The following TNFRSF19 variants were observed in gnomAD, a reference collection of about 807,000 sequenced individuals.
TNFRSF19 encodes tumor necrosis factor receptor superfamily member 19.
Under a neutral mutation model 46.4 loss-of-function variants are expected in TNFRSF19, and 27 were observed. That is an observed-to-expected ratio of 0.58 (90% CI 0.43 to 0.80). The LOEUF is 0.80. TNFRSF19 is among the 30% of genes least tolerant of loss of function. TNFRSF19 has a pLI of 0.00. For missense variants in TNFRSF19, 511 were observed against 530.8 expected, an observed-to-expected ratio of 0.96 and a Z score of 0.37; for synonymous variants, 204 against 205.0, an observed-to-expected ratio of 1.00 and a Z score of 0.04.
intron 5 of TNFRSF19, among the ~76,000 whole-genome samples, chr13:23,646,145 G>A (rs189665645): frequency 6.0e-4 from 91 of 152,090 alleles, no homozygotes; most frequent in Admixed American, 9.8e-4. Flanking sequence ...GGCACCCCCC[G>A]GCCTGCCCTT....
At chr13:23,638,610 A>C (rs1882844257) in intron 5 of TNFRSF19, among the ~76,000 whole-genome samples, 1 of 152,186 alleles carries the variant, frequency 6.6e-6, no homozygotes, top group Non-Finnish European at 1.5e-5. Flanking sequence ...GCAGAAATCA[A>C]GTTTGGTTGA....
intron 1 of TNFRSF19, among the ~76,000 whole-genome samples, chr13:23,584,730 AG>A (rs1367199938): frequency 6.6e-6 from 1 of 151,594 alleles, no homozygotes; most frequent in Non-Finnish European, 1.5e-5. Context: ...TTAAGTTTTT[AG>A]GGTTTTTAGT....
chr13:23,655,118 T>G (rs1883895663), intron 5 of TNFRSF19, among the ~76,000 whole-genome samples: 1 of 152,214 alleles, frequency 6.6e-6, no homozygotes, highest in South Asian at 2.1e-4. Flanking sequence ...CAGATGGGAC[T>G]TTATAAAAAC....
At chr13:23,637,865 G>T (rs1046997498) in intron 5 of TNFRSF19, among the ~76,000 whole-genome samples, 1 of 152,250 alleles carries the variant, frequency 6.6e-6, no homozygotes, top group Non-Finnish European at 1.5e-5. Context: ...AAGGGAAAAT[G>T]GACACTCCCT....
intron 5 of TNFRSF19, among the ~76,000 whole-genome samples, chr13:23,632,805 C>G (rs1469743573): frequency 6.6e-6 from 1 of 152,138 alleles, no homozygotes; most frequent in Non-Finnish European, 1.5e-5. Context: ...TGTACCAAGC[C>G]AAACCAGCCA....
rs544786626 is a variant in TNFRSF19 at position 23,644,976 on chromosome 13, T to C, written c.446-14074T>C. 5.4e-4 allele frequency among the ~76,000 whole-genome samples: 83 copies of C among 152,362 alleles called. 1 individual carries two copies. Among genetic ancestry groups the C allele is most frequent in the Non-Finnish European group, 9.3e-4 (63 of 68,032 alleles). On this transcript the variant is annotated intron_variant, in intron 5 of 9. Transcript: ENST00000248484. The stretch of plus-strand genomic sequence containing the variant: ...TGCTCTAAACAACCCACTTCAGTAA[T>C]AGATCACCAGTACTCTTAACTCCAC...
intron 3 of TNFRSF19, among the ~76,000 whole-genome samples, chr13:23,611,724 A>T (rs931609353): frequency 2.0e-5 from 3 of 152,192 alleles, no homozygotes; most frequent in Non-Finnish European, 4.4e-5. Flanking sequence ...CCTATGGGGG[A>T]AAAAACAAAA....
rs557552827 is a variant in TNFRSF19, at chr13:23,638,115, A to T, written c.445+11323A>T. 3.6e-3 allele frequency among the ~76,000 whole-genome samples: 354 copies of T among 99,506 alleles called. 1 individual carries two copies. Among genetic ancestry groups the T allele is most frequent in the African/African-American group, 0.01 (337 of 33,524 alleles). 65.3% of individuals were successfully genotyped at this position (99,506 alleles called of 152,430 possible). A position where few individuals can be genotyped will look rare whatever the true frequency, so the allele number is the denominator to read the frequency against. On this transcript the variant is annotated intron_variant, in intron 5 of 9. Coordinates refer to ENST00000248484, the MANE Select transcript of TNFRSF19 (RefSeq NM_148957.4). ...GTGTCTTTTCTGTTTCTCGGTGCAGAAGTTTAAAAGCTTCATTGTTTCATC... is the reference window on the plus strand; with the variant it reads ...GTGTCTTTTCTGTTTCTCGGTGCAGTAGTTTAAAAGCTTCATTGTTTCATC...
Position 23,588,278 on chromosome 13 carries a change from C to G in TNFRSF19, c.-34-1872C>G, listed in dbSNP as rs151209253. 9.6e-3 allele frequency among the ~76,000 whole-genome samples: 1,467 copies of G among 152,290 alleles called. 14 individuals carry two copies. Among genetic ancestry groups the G allele is most frequent in the Non-Finnish European group, 0.012 (786 of 68,036 alleles). ...TCATAAGTAGTGGTCTCAATAACAA[C>G]AGCAGCAGTAACAGCATCAGCAACT... On this transcript the variant is annotated intron_variant, in intron 1 of 9. Transcript: ENST00000248484.
At chr13:23,616,292 C>G (rs1881282643) in intron 4 of TNFRSF19, among the ~76,000 whole-genome samples, 1 of 152,074 alleles carries the variant, frequency 6.6e-6, no homozygotes, top group Non-Finnish European at 1.5e-5. Context: ...TTATGAAAAT[C>G]TAAGGAGTTC....
chr13:23,668,988 A>G lies in TNFRSF19; in HGVS notation c.1136A>G (p.Asn379Ser). Residue 379 changes from asparagine (N) to serine (S), a missense_variant, in exon 9 of 10, where the codon AAC (asparagine) becomes AGC (serine). Asn to Ser is a conservative substitution (Grantham distance 46, BLOSUM62 1). Coordinates refer to ENST00000248484, the MANE Select transcript of TNFRSF19 (RefSeq NM_148957.4). ...GCAGCTACTGATTTATCTAGATATA[A>G]CAACACACTGGTAGAATCAGCATCA... Reference protein sequence around the residue: ...FTAATDLSRYNNTLVESASTQ... With the variant: ...FTAATDLSRYSNTLVESASTQ... 3.7e-6 allele frequency: 6 copies of G among 1,614,226 alleles called. No homozygotes were observed. Among genetic ancestry groups the G allele is most frequent in the Non-Finnish European group, 5.1e-6 (6 of 1,180,032 alleles).
intron 1 of TNFRSF19, among the ~76,000 whole-genome samples, chr13:23,586,727 GC>G (rs1280106878): frequency 6.6e-6 from 1 of 152,240 alleles, no homozygotes; most frequent in Non-Finnish European, 1.5e-5. Context: ...AGCAGGCTGA[GC>G]AGCTTTGAGA....
Position 23,668,736 on chromosome 13 carries a change from C to G in TNFRSF19, c.884C>G (p.Ser295Cys), listed in dbSNP as rs1455725368. 1 of 1,614,084 alleles carries G rather than the reference C, an allele frequency of 6.2e-7. No individual in the cohort carries two copies. The highest frequency in any genetic ancestry group is 8.5e-7 in the Non-Finnish European group (1 of 1,180,016). The change falls in exon 9 of 10, where the codon TCC (serine) becomes TGC (cysteine). Residue 295 changes from serine (S) to cysteine (C), a missense_variant. Physicochemically the swap from Ser to Cys is moderately radical, Grantham distance 112. Transcript: ENST00000248484. ...AGEMVPTFFG[S>C]LTQSICGEFS... is the part of the protein sequence containing the mutation. Reference sequence around the variant, plus strand: ...GAGATGGTGCCGACTTTCTTCGGATCCCTCACGCAGTCCATCTGTGGCGAG... The same window carrying G: ...GAGATGGTGCCGACTTTCTTCGGATGCCTCACGCAGTCCATCTGTGGCGAG...
chr13:23,664,694 C>G (rs1369592909), intron 7 of TNFRSF19, among the ~76,000 whole-genome samples: 4 of 152,326 alleles, frequency 2.6e-5, no homozygotes, highest in Admixed American at 2.0e-4. Context: ...GTGTTCCAGT[C>G]TCATGTTGTA....
chr13:23,589,410 G>T (rs1007072647), intron 1 of TNFRSF19, among the ~76,000 whole-genome samples: 1 of 152,186 alleles, frequency 6.6e-6, no homozygotes, highest in Non-Finnish European at 1.5e-5. Flanking sequence ...TACATACTTT[G>T]CTCTATTCTG....
intron 5 of TNFRSF19, among the ~76,000 whole-genome samples, chr13:23,633,118 T>C (rs1418234611): frequency 6.6e-6 from 1 of 151,420 alleles, no homozygotes; most frequent in African/African-American, 2.4e-5. Context: ...CGTCTTTTTT[T>C]TTTTTTTTTT....
At chr13:23,571,031 G>C (rs997934444) in intron 1 of TNFRSF19, among the ~76,000 whole-genome samples, 183 bp downstream of exon 1, 6 of 152,222 alleles carry the variant, frequency 3.9e-5, no homozygotes, top group East Asian at 1.9e-4. Flanking sequence ...TATGGAACTT[G>C]ATGTAATTTT....
At chr13:23,633,532 CCT>C (rs1882483641) in intron 5 of TNFRSF19, among the ~76,000 whole-genome samples, 1 of 82,668 alleles carries the variant, frequency 1.2e-5, no homozygotes, top group Non-Finnish European at 3.1e-5. Flanking sequence ...ACAGCAAACT[CCT>C]CATTTTCTGA....
chr13:23,641,360 T>TCTTG (rs1566205616), intron 5 of TNFRSF19, among the ~76,000 whole-genome samples: 1 of 152,140 alleles, frequency 6.6e-6, no homozygotes, highest in African/African-American at 2.4e-5. Flanking sequence ...AGGGATGGAG[T>TCTTG]CTTGCTCTGT....
Sources: allele counts gnomAD v4.1 joint callset (sites outside exome capture counted in the v4.1 genomes callset), GRCh38; gene constraint gnomAD v4.1.1; transcripts MANE v1.5; gene names NCBI Gene and HGNC (gene_info 2026-07-23, HGNC 2026-07-21).